CCDC7: variants seen among roughly 807,000 people sequenced by gnomAD.
CCDC7 encodes coiled-coil domain containing 7, also known as coiled-coil domain-containing protein 7.
Under a neutral mutation model 196.9 loss-of-function variants are expected in CCDC7, and 183 were observed. The ratio of observed to expected loss-of-function variants is 0.93; its 90% CI spans 0.82 to 1.05. The LOEUF (loss-of-function observed/expected upper bound fraction) is 1.05. Ranked by LOEUF, CCDC7 falls within the 50% of genes least tolerant of loss-of-function variation. CCDC7 has a pLI of 0.00. For missense variants in CCDC7, 1,540 were observed against 1,482.2 expected, an observed-to-expected ratio of 1.04 and a Z score of -0.64; for synonymous variants, 525 against 484.6, an observed-to-expected ratio of 1.08 and a Z score of -1.10.
chr10:32,554,859 C>T (rs1376754177), intron 13 of CCDC7, among the ~76,000 whole-genome samples: 2 of 152,198 alleles, frequency 1.3e-5, no homozygotes, highest in African/African-American at 2.4e-5. Context: ...ACTCCACCCC[C>T]TACTACTATT....
At chr10:32,763,126 G>T (rs981499908) in intron 28 of CCDC7, among the ~76,000 whole-genome samples, 18 of 151,882 alleles carry the variant, frequency 1.2e-4, no homozygotes, top group Non-Finnish European at 2.4e-4. Context: ...GTAAGCAGTT[G>T]ATATTCAAAA....
At chr10:32,492,041 A>G in intron 9 of CCDC7, 44 bp downstream of exon 10, 1 of 1,480,634 alleles carries the variant, frequency 6.8e-7, no homozygotes, top group Non-Finnish European at 9.0e-7. Context: ...TCTATTTTTA[A>G]AAAAAGACAG....
intron 30 of CCDC7, among the ~76,000 whole-genome samples, chr10:32,805,741 T>G (rs1267859051): frequency 6.6e-6 from 1 of 152,180 alleles, no homozygotes; most frequent in Non-Finnish European, 1.5e-5. Flanking sequence ...CAGAGGTGGT[T>G]GTTACATGCC....
intron 30 of CCDC7, among the ~76,000 whole-genome samples, chr10:32,811,988 A>G (rs1448694028): frequency 2.6e-5 from 4 of 152,096 alleles, no homozygotes; most frequent in Non-Finnish European, 5.9e-5. Context: ...GTAGATGCAG[A>G]AAAAACATTT....
At chr10:32,582,314 C>A (rs896424455) in intron 16 of CCDC7, among the ~76,000 whole-genome samples, 2 of 151,494 alleles carry the variant, frequency 1.3e-5, no homozygotes, top group Admixed American at 6.6e-5. Context: ...TTGCAACAAA[C>A]CTTAGGCAAA....
At chr10:32,608,156 G>C (rs2061722458) in intron 18 of CCDC7, among the ~76,000 whole-genome samples, 1 of 151,554 alleles carries the variant, frequency 6.6e-6, no homozygotes, top group Non-Finnish European at 1.5e-5. Context: ...ATTGTAATGT[G>C]TCTTTTTTCA....
At chr10:32,563,532 A>G (rs1303296712) in intron 13 of CCDC7, among the ~76,000 whole-genome samples, 1 of 152,212 alleles carries the variant, frequency 6.6e-6, no homozygotes, top group Non-Finnish European at 1.5e-5. Context: ...CAAACCTGAG[A>G]AAAATAAGCA....
chr10:32,737,648 T>C (rs1256032402), intron 28 of CCDC7, among the ~76,000 whole-genome samples: 1 of 152,200 alleles, frequency 6.6e-6, no homozygotes, highest in African/African-American at 2.4e-5. Flanking sequence ...ATAATGAATT[T>C]GTCTGTTTTC....
chr10:32,653,748 G>A (rs1411879782), intron 20 of CCDC7, among the ~76,000 whole-genome samples: 1 of 152,114 alleles, frequency 6.6e-6, no homozygotes, highest in Admixed American at 6.5e-5. Flanking sequence ...AATTACAAAT[G>A]TTGCAATTTC....
intron 18 of CCDC7, among the ~76,000 whole-genome samples, chr10:32,631,451 G>T (rs1198012705): frequency 1.3e-5 from 2 of 152,008 alleles, no homozygotes; most frequent in Non-Finnish European, 2.9e-5. Flanking sequence ...AGAAAAAATT[G>T]CTTGGCCATA....
intron 13 of CCDC7, among the ~76,000 whole-genome samples, chr10:32,548,944 G>C (rs1301325590): frequency 3.3e-5 from 5 of 152,110 alleles, no homozygotes; most frequent in African/African-American, 9.7e-5. Flanking sequence ...GGGATTGCTG[G>C]ATCAAATGGT....
At chr10:32,730,740 T>C (rs941988706) in intron 28 of CCDC7, among the ~76,000 whole-genome samples, 2 of 152,018 alleles carry the variant, frequency 1.3e-5, no homozygotes, top group African/African-American at 4.8e-5. Context: ...ATAGATACAG[T>C]TCTCTAGTGC....
At chr10:32,775,621 G>C (rs1216235094) in intron 28 of CCDC7, among the ~76,000 whole-genome samples, 1 of 151,972 alleles carries the variant, frequency 6.6e-6, no homozygotes, top group African/African-American at 2.4e-5. Flanking sequence ...TACATTGGTG[G>C]GTAAATTATC....
intron 24 of CCDC7, among the ~76,000 whole-genome samples, chr10:32,698,775 A>G (rs1183940104): frequency 6.6e-6 from 1 of 152,256 alleles, no homozygotes; most frequent in African/African-American, 2.4e-5. Context: ...GTTGGAAAAC[A>G]CTATTCAGGA....
At chr10:32,465,035 G>C (rs1477014317) in intron 5 of CCDC7, among the ~76,000 whole-genome samples, 1 of 151,942 alleles carries the variant, frequency 6.6e-6, no homozygotes, top group Admixed American at 6.6e-5. Context: ...ATTATTATCA[G>C]GGTGTAAAGG....
chr10:32,828,561 A>T (rs565502891), intron 32 of CCDC7, among the ~76,000 whole-genome samples: 6 of 142,658 alleles, frequency 4.2e-5, no homozygotes, highest in African/African-American at 1.5e-4. Flanking sequence ...AGAAGAAGAA[A>T]GAAGAAGAAG....
intron 28 of CCDC7, among the ~76,000 whole-genome samples, chr10:32,755,129 T>C (rs907594021): frequency 4.0e-4 from 61 of 152,206 alleles, no homozygotes; most frequent in African/African-American, 1.5e-3. Flanking sequence ...AAGCTAGAAA[T>C]GGGTGGAGCC....
chr10:32,640,615 A>G (rs1229064613), intron 20 of CCDC7, among the ~76,000 whole-genome samples: 2 of 152,216 alleles, frequency 1.3e-5, no homozygotes, highest in Non-Finnish European at 2.9e-5. Context: ...TATGGTCTTT[A>G]CAATTTGGCC....
intron 21 of CCDC7, 121 bp downstream of exon 22, chr10:32,664,282 A>G (rs911511033): frequency 8.2e-5 from 30 of 364,134 alleles, no homozygotes; most frequent in Non-Finnish European, 2.4e-5. Context: ...TTGTGGAATA[A>G]TAAATTGTGG....
Sources: gnomAD v4.1 joint callset for allele counts (sites outside exome capture counted in the v4.1 genomes callset) on GRCh38, gnomAD v4.1.1 for gene constraint, MANE v1.5 for transcripts, NCBI Gene and HGNC (gene_info 2026-07-23, HGNC 2026-07-21) for gene names.